ANKRD17: variants seen among roughly 807,000 people sequenced by gnomAD.
The protein encoded by ANKRD17 is ankyrin repeat domain 17.
Under a neutral mutation model 229.7 loss-of-function variants are expected in ANKRD17, and 19 were observed. The ratio of observed to expected loss-of-function variants is 0.08; its 90% CI spans 0.06 to 0.12. The LOEUF (loss-of-function observed/expected upper bound fraction) is 0.12. ANKRD17 is among the 10% of genes least tolerant of loss of function. The probability of loss-of-function intolerance (pLI) is 1.00; values close to 1 mark genes in which losing one functional copy is unlikely to be tolerated. For synonymous variants in ANKRD17, 1,112 were observed against 1,146.1 expected, an observed-to-expected ratio of 0.97 and a Z score of 0.60; for missense variants, 2,176 against 3,176.8, an observed-to-expected ratio of 0.68 and a Z score of 7.57.
intron 22 of ANKRD17, 53 bp downstream of exon 22, chr4:73,118,635 T>A: frequency 1.3e-6 from 2 of 1,596,726 alleles, no homozygotes; most frequent in Non-Finnish European, 1.7e-6. Context: ...AGCCATGTAC[T>A]TCCTAGTGTA....
intron 1 of ANKRD17, among the ~76,000 whole-genome samples, chr4:73,257,973 C>A (rs573352898): frequency 6.7e-6 from 1 of 149,754 alleles, no homozygotes; most frequent in South Asian, 2.2e-4. Flanking sequence ...CCCCCACCCC[C>A]CGGCGTGCAA....
At chr4:73,104,368 C>T (rs1262555484) in intron 24 of ANKRD17, among the ~76,000 whole-genome samples, 1 of 152,138 alleles carries the variant, frequency 6.6e-6, no homozygotes, top group Non-Finnish European at 1.5e-5. Flanking sequence ...GTGTTTTCTC[C>T]ACGTGGACCC....
intron 24 of ANKRD17, 108 bp downstream of exon 24, chr4:73,113,684 G>A (rs1322715062): frequency 2.2e-6 from 2 of 894,010 alleles, no homozygotes; most frequent in East Asian, 2.4e-5. Context: ...AATCATGTAC[G>A]TAATTTAAAG....
intron 29 of ANKRD17, among the ~76,000 whole-genome samples, chr4:73,089,612 T>A (rs1281774102): frequency 2.0e-5 from 3 of 152,276 alleles, no homozygotes; most frequent in African/African-American, 7.2e-5. Context: ...ATTTTTTTAG[T>A]TTCGAAATGT....
intron 1 of ANKRD17, among the ~76,000 whole-genome samples, chr4:73,227,814 T>C: frequency 6.6e-6 from 1 of 152,098 alleles, no homozygotes. Context: ...AACAAAAAAA[T>C]ATGTAGAAAT....
chr4:73,183,065 C>T (rs1735792516), intron 1 of ANKRD17, among the ~76,000 whole-genome samples: 1 of 152,140 alleles, frequency 6.6e-6, no homozygotes, highest in Admixed American at 6.5e-5. Flanking sequence ...AAATGTGGAA[C>T]ATTTTGCAGC....
At chr4:73,156,242 T>C in intron 3 of ANKRD17, 76 bp from the exon 4 acceptor site, 1 of 1,482,482 alleles carries the variant, frequency 6.7e-7, no homozygotes, top group South Asian at 1.4e-5. Flanking sequence ...TTGTTTTTGA[T>C]TGTTTTGTTT....
intron 11 of ANKRD17, 145 bp from the exon 12 acceptor site, chr4:73,142,912 A>T (rs1412692082): frequency 2.4e-6 from 2 of 840,254 alleles, no homozygotes; most frequent in Non-Finnish European, 3.5e-6. Flanking sequence ...TATAAACACA[A>T]GGCCAATCTC....
intron 1 of ANKRD17, among the ~76,000 whole-genome samples, chr4:73,227,384 C>T (rs1742618892): frequency 6.6e-6 from 1 of 151,990 alleles, no homozygotes; most frequent in Non-Finnish European, 1.5e-5. Context: ...GAACTCCTGA[C>T]CTCAAGTGAC....
At chr4:73,244,515 A>G (rs1744317039) in intron 1 of ANKRD17, among the ~76,000 whole-genome samples, 1 of 152,232 alleles carries the variant, frequency 6.6e-6, no homozygotes, top group South Asian at 2.1e-4. Flanking sequence ...AGAGCTCAGC[A>G]GCAACCTGTG....
chr4:73,161,001 T>G (rs1359437426), intron 3 of ANKRD17, among the ~76,000 whole-genome samples, 191 bp downstream of exon 3: 1 of 152,222 alleles, frequency 6.6e-6, no homozygotes, highest in Non-Finnish European at 1.5e-5. Context: ...CTTTAACTTT[T>G]CATCTGTAAA....
intron 1 of ANKRD17, among the ~76,000 whole-genome samples, chr4:73,234,045 A>G (rs1743298957): frequency 6.6e-6 from 1 of 152,026 alleles, no homozygotes; most frequent in Non-Finnish European, 1.5e-5. Context: ...TCATTATTCT[A>G]TCCTTCCCAT....
chr4:73,162,953 G>A (rs899412075), intron 2 of ANKRD17, among the ~76,000 whole-genome samples: 7 of 151,562 alleles, frequency 4.6e-5, no homozygotes, highest in East Asian at 1.9e-4. Context: ...TCGACCTCCC[G>A]GGCTCAAGTG....
At chr4:73,172,538 T>G (rs1734178920) in intron 2 of ANKRD17, among the ~76,000 whole-genome samples, 3 of 152,196 alleles carry the variant, frequency 2.0e-5, no homozygotes, top group African/African-American at 7.2e-5. Context: ...TGTGGTGTGT[T>G]AACGCTTACC....
intron 16 of ANKRD17, among the ~76,000 whole-genome samples, chr4:73,133,600 G>T (rs1474675681): frequency 6.6e-6 from 1 of 151,912 alleles, no homozygotes; most frequent in Admixed American, 6.6e-5. Flanking sequence ...CACCATGTTG[G>T]CCAGGCTGGT....
At chr4:73,154,585 T>C (rs1731398554) in intron 5 of ANKRD17, among the ~76,000 whole-genome samples, 1 of 152,178 alleles carries the variant, frequency 6.6e-6, no homozygotes, top group African/African-American at 2.4e-5. Context: ...AAATACCAGT[T>C]AACTGATCAA....
chr4:73,094,412 T>C lies in ANKRD17; in HGVS notation c.5178-184A>G, dbSNP rs146657644. Among the ~76,000 whole-genome samples, 429 of 152,330 alleles carry C rather than the reference T, an allele frequency of 2.8e-3. 5 individuals are homozygous for C. Among genetic ancestry groups the C allele is most frequent in the African/African-American group, 0.01 (419 of 41,578 alleles). On this transcript the variant is annotated intron_variant, in intron 27 of 33. Coordinates refer to ENST00000358602, the MANE Select transcript of ANKRD17 (RefSeq NM_032217.5). Reference sequence around the variant, plus strand: ...AAGGCAATCAGGAGCAACAGACAGATAAGCTTTATTATAGCTTCTCATCTC... The same window carrying C: ...AAGGCAATCAGGAGCAACAGACAGACAAGCTTTATTATAGCTTCTCATCTC...
rs750829959 is a variant in ANKRD17, at chr4:73,078,790, G to A, written c.7260C>T (p.Asp2420=). 2 of 1,614,134 alleles carry A rather than the reference G, an allele frequency of 1.2e-6. No homozygotes were observed. Among genetic ancestry groups the A allele is most frequent in the Non-Finnish European group, 1.7e-6 (2 of 1,180,014 alleles). ...TCCCAATAGGGACTGGAACTTTCCT[G>A]TCCTGAGACACATTGCTGGGCTTTT... ...GSEKPSNVSQ[D]RKVPVPIGTE... is the part of the protein sequence containing the mutation. Residue 2420 remains aspartate, a synonymous_variant, in exon 31 of 34, where the codon GAC becomes GAT. Transcript: ENST00000358602.
intron 1 of ANKRD17, among the ~76,000 whole-genome samples, chr4:73,250,696 T>C (rs1372515010): frequency 1.6e-4 from 24 of 149,712 alleles, no homozygotes; most frequent in Non-Finnish European, 3.6e-4. Flanking sequence ...TTTTTGTTGT[T>C]GTTGTTGTTG....
Sources: gnomAD v4.1 joint callset for allele counts (sites outside exome capture counted in the v4.1 genomes callset) on GRCh38, gnomAD v4.1.1 for gene constraint, MANE v1.5 for transcripts, NCBI Gene and HGNC (gene_info 2026-07-23, HGNC 2026-07-21) for gene names.